The following RPS6KA2 variants were observed in gnomAD, a reference collection of about 807,000 sequenced individuals.
The protein encoded by RPS6KA2 is ribosomal protein S6 kinase alpha-2.
RPS6KA2 carries 42 observed loss-of-function variants against 91.8 expected under a neutral mutation model. The ratio of observed to expected loss-of-function variants is 0.46; its 90% CI spans 0.36 to 0.59. The LOEUF (loss-of-function observed/expected upper bound fraction) is 0.59, where lower values mean the gene tolerates loss of function less well. Ranked by LOEUF, RPS6KA2 falls within the 20% of genes least tolerant of loss-of-function variation. RPS6KA2 has a pLI of 0.00. For synonymous variants in RPS6KA2, 414 were observed against 393.6 expected, an observed-to-expected ratio of 1.05 and a Z score of -0.61; for missense variants, 798 against 978.5, an observed-to-expected ratio of 0.82 and a Z score of 2.46.
chr6:166,537,287 G>A (rs1446126919), intron 2 of RPS6KA2, among the ~76,000 whole-genome samples: 3 of 152,276 alleles, frequency 2.0e-5, no homozygotes, highest in Non-Finnish European at 4.4e-5. Context: ...TCAAATCATG[G>A]AGAAAATTAT....
chr6:166,658,425 G>T (rs1008304569), intron 2 of RPS6KA2, among the ~76,000 whole-genome samples: 8 of 152,192 alleles, frequency 5.3e-5, no homozygotes, highest in African/African-American at 1.9e-4. Context: ...TCACTCAGCT[G>T]TCAGCTGCTC....
intron 1 of RPS6KA2, among the ~76,000 whole-genome samples, chr6:166,561,819 CAG>C (rs1784354256): frequency 6.6e-6 from 1 of 152,056 alleles, no homozygotes; most frequent in Non-Finnish European, 1.5e-5. Flanking sequence ...CTGGTTTACA[CAG>C]AGATTTTTGA....
chr6:166,526,341 CTTTTTTT>C (rs10616497), intron 3 of RPS6KA2, among the ~76,000 whole-genome samples: 16,903 of 101,840 alleles, frequency 0.17, 716 homozygotes, highest in South Asian at 0.27. Flanking sequence ...GTTTATATGG[CTTTTTTT>C]TTTTTTTTTT....
intron 3 of RPS6KA2, among the ~76,000 whole-genome samples, chr6:166,526,135 A>G (rs1783020116): frequency 6.6e-6 from 1 of 152,194 alleles, no homozygotes; most frequent in African/African-American, 2.4e-5. Context: ...CGAAGTATGC[A>G]AAGTATTATT....
In RPS6KA2 at chr6:166,822,319, A is replaced by T. The variant is rs560181573; in HGVS notation, c.123+35881T>A. ...CAGCTAAGATGAGGCCACAAGGGGA[A>T]CCCTAAGCCAATCTGACTGGTATCC... is the stretch of plus-strand genomic sequence containing the variant. On this transcript the variant is annotated intron_variant, in intron 2 of 21. Coordinates refer to the RPS6KA2 transcript ENST00000503859. Among the ~76,000 whole-genome samples, 30 of 152,306 alleles carry T rather than the reference A, an allele frequency of 2.0e-4. No individual in the cohort carries two copies. The East Asian group carries it at 5.8e-3, about 29-fold the overall frequency.
intron 15 of RPS6KA2, among the ~76,000 whole-genome samples, chr6:166,431,666 G>T (rs1041967571): frequency 6.6e-6 from 1 of 152,122 alleles, no homozygotes; most frequent in African/African-American, 2.4e-5. Context: ...GCCCAGGCTG[G>T]AGTGCAATGG....
intron 10 of RPS6KA2, among the ~76,000 whole-genome samples, chr6:166,478,244 G>A (rs928176497): frequency 2.6e-5 from 4 of 152,352 alleles, no homozygotes; most frequent in South Asian, 4.1e-4. Context: ...ATGCTCACGT[G>A]CTTATGTTAT....
chr6:166,739,451 T>C (rs947287511), intron 2 of RPS6KA2, among the ~76,000 whole-genome samples: 10 of 152,200 alleles, frequency 6.6e-5, no homozygotes, highest in Non-Finnish European at 8.8e-5. Flanking sequence ...CTAAGGGAAT[T>C]CCCATTAGAG....
At chr6:166,427,079 A>G (rs1387246830) in intron 16 of RPS6KA2, among the ~76,000 whole-genome samples, 1 of 152,262 alleles carries the variant, frequency 6.6e-6, no homozygotes, top group Non-Finnish European at 1.5e-5. Flanking sequence ...CGAATCCAGC[A>G]GCATATCAAA....
chr6:166,457,165 A>G (rs911397712), intron 12 of RPS6KA2, among the ~76,000 whole-genome samples: 1 of 152,136 alleles, frequency 6.6e-6, no homozygotes, highest in Admixed American at 6.6e-5. Flanking sequence ...TCTGTTAGGG[A>G]CCTTATGGTC....
At chr6:166,488,123 T>G (rs1303219652) in intron 10 of RPS6KA2, among the ~76,000 whole-genome samples, 1 of 152,116 alleles carries the variant, frequency 6.6e-6, no homozygotes, top group African/African-American at 2.4e-5. Context: ...TTCCTTTCGT[T>G]TTCTTGTTAA....
intron 1 of RPS6KA2, among the ~76,000 whole-genome samples, chr6:166,567,912 A>G (rs552629395): frequency 2.6e-5 from 4 of 152,336 alleles, no homozygotes; most frequent in Admixed American, 6.5e-5. Flanking sequence ...CTCTGAATCT[A>G]AAAGCCAGCT....
At chr6:166,542,128 C>T (rs879435706) in intron 1 of RPS6KA2, among the ~76,000 whole-genome samples, 7 of 152,170 alleles carry the variant, frequency 4.6e-5, no homozygotes, top group East Asian at 3.8e-4. Context: ...GGACTCGGCG[C>T]GCACTCTGGG....
chr6:166,598,329 G>A (rs1785613672), intron 1 of RPS6KA2, among the ~76,000 whole-genome samples: 1 of 152,096 alleles, frequency 6.6e-6, no homozygotes, highest in African/African-American at 2.4e-5. Flanking sequence ...AAGGCAATGG[G>A]GGCAGACAGA....
intron 19 of RPS6KA2, 96 bp from the exon 20 acceptor site, chr6:166,414,027 C>T: frequency 2.7e-6 from 3 of 1,118,868 alleles, no homozygotes; most frequent in Non-Finnish European, 3.9e-6. Flanking sequence ...TCTATGGCAA[C>T]ACCCAACCAC....
chr6:166,591,756 T>C (rs1785361311), intron 1 of RPS6KA2, among the ~76,000 whole-genome samples: 1 of 152,192 alleles, frequency 6.6e-6, no homozygotes, highest in Non-Finnish European at 1.5e-5. Flanking sequence ...TCCCACCTGT[T>C]CGAGGTAGTT....
chr6:166,853,791 C>T (rs9459776), intron 2 of RPS6KA2, among the ~76,000 whole-genome samples: 21,019 of 152,248 alleles, frequency 0.14, 1,682 homozygotes, highest in Non-Finnish European at 0.17. Context: ...AGGGGAGCCA[C>T]GAGCTTGTTT....
chr6:166,671,733 C>G (rs1788478073), intron 2 of RPS6KA2, among the ~76,000 whole-genome samples: 2 of 152,146 alleles, frequency 1.3e-5, no homozygotes, highest in Non-Finnish European at 2.9e-5. Flanking sequence ...CAGGCTGAGT[C>G]TGAAAACCTG....
At chr6:166,451,423 T>A (rs948371425) in intron 12 of RPS6KA2, among the ~76,000 whole-genome samples, 190 bp from the exon 13 acceptor site, 1 of 150,668 alleles carries the variant, frequency 6.6e-6, no homozygotes, top group African/African-American at 2.5e-5. Context: ...CTGAACCAGA[T>A]GAAACTACAT....
Sources: allele counts gnomAD v4.1 joint callset (sites outside exome capture counted in the v4.1 genomes callset), GRCh38; gene constraint gnomAD v4.1.1; transcripts MANE v1.5; gene names NCBI Gene and HGNC (gene_info 2026-07-23, HGNC 2026-07-21).